CCDC126: variants seen among roughly 807,000 people sequenced by gnomAD.
The protein encoded by CCDC126 is coiled-coil domain-containing protein 126.
CCDC126 carries 5 observed loss-of-function variants against 11.7 expected under a neutral mutation model. The ratio of observed to expected loss-of-function variants is 0.43; its 90% CI spans 0.22 to 0.90. The LOEUF (loss-of-function observed/expected upper bound fraction) is 0.90, where lower values mean the gene tolerates loss of function less well. CCDC126 is among the 40% of genes least tolerant of loss of function. The pLI, the probability that CCDC126 is intolerant of heterozygous loss-of-function variation, is 0.27. For synonymous variants in CCDC126, 60 were observed against 61.9 expected, an observed-to-expected ratio of 0.97 and a Z score of 0.14; for missense variants, 150 against 163.1, an observed-to-expected ratio of 0.92 and a Z score of 0.44.
At chr7:23,620,545 G>A (rs1048267940) in intron 3 of CCDC126, among the ~76,000 whole-genome samples, 2 of 151,512 alleles carry the variant, frequency 1.3e-5, no homozygotes, top group African/African-American at 4.8e-5. Flanking sequence ...TCACTCTGAT[G>A]GTAGTTTCTT....
chr7:23,615,800 T>G (rs539614894), intron 3 of CCDC126, among the ~76,000 whole-genome samples: 105 of 152,356 alleles, frequency 6.9e-4, no homozygotes, highest in African/African-American at 2.4e-3. Flanking sequence ...GAATTAAGTC[T>G]GCTGTCTTAT....
intron 3 of CCDC126, among the ~76,000 whole-genome samples, chr7:23,621,056 A>G (rs1782885899): frequency 6.6e-6 from 1 of 152,220 alleles, no homozygotes; most frequent in Non-Finnish European, 1.5e-5. Flanking sequence ...TGACTTGGCA[A>G]TGCGGGCTCT....
chr7:23,597,811 C>G (rs1275367980), intron 1 of CCDC126, 156 bp from the exon 2 acceptor site: 2 of 152,216 alleles, frequency 1.3e-5, no homozygotes, highest in Non-Finnish European at 2.9e-5. Context: ...GGCCGCGTCT[C>G]TGCCCCTCCG....
intron 3 of CCDC126, among the ~76,000 whole-genome samples, chr7:23,617,917 G>C (rs1584202107): frequency 6.6e-6 from 1 of 152,210 alleles, no homozygotes; most frequent in African/African-American, 2.4e-5. Flanking sequence ...AAAATCCATG[G>C]ATTTTGGTAT....
chr7:23,636,276 C>G (rs1372064455), intron 3 of CCDC126, among the ~76,000 whole-genome samples: 1 of 152,152 alleles, frequency 6.6e-6, no homozygotes, highest in East Asian at 1.9e-4. Context: ...CTCTGCCCAG[C>G]CGCCACCCCG....
chr7:23,636,542 G>C (rs1584217585), intron 3 of CCDC126, among the ~76,000 whole-genome samples: 5 of 130,784 alleles, frequency 3.8e-5, no homozygotes, highest in East Asian at 2.3e-4. Context: ...GAGCGCCTCT[G>C]CTGGGCCGCA....
chr7:23,619,497 A>G (rs1782853373), intron 3 of CCDC126: 32 of 368,768 alleles, frequency 8.7e-5, no homozygotes, highest in South Asian at 6.5e-4. Flanking sequence ...CTTCCTGCCT[A>G]TTTTTCCAAT....
At chr7:23,599,674 G>A (rs932613216) in intron 2 of CCDC126, among the ~76,000 whole-genome samples, 1 of 151,980 alleles carries the variant, frequency 6.6e-6, no homozygotes, top group African/African-American at 2.4e-5. Context: ...TGGTCAGGCT[G>A]GTCTTGAACT....
At chr7:23,619,535 A>C (rs767499477) in intron 3 of CCDC126, 1 of 309,010 alleles carries the variant, frequency 3.2e-6, no homozygotes, top group Non-Finnish European at 6.5e-6. Flanking sequence ...CCACCTTACT[A>C]CATCCTTGTT....
At chr7:23,624,954 C>T (rs1025935172) in intron 3 of CCDC126, among the ~76,000 whole-genome samples, 3 of 152,076 alleles carry the variant, frequency 2.0e-5, no homozygotes, top group Admixed American at 1.3e-4. Flanking sequence ...GTGATCCCCC[C>T]ACCTTAGCCA....
chr7:23,599,850 T>A (rs968473550), intron 2 of CCDC126, among the ~76,000 whole-genome samples: 2 of 152,194 alleles, frequency 1.3e-5, no homozygotes, highest in Non-Finnish European at 2.9e-5. Context: ...AGTGGTGCGA[T>A]CTCTGCACAC....
chr7:23,612,199 G>A (rs1329530571), intron 3 of CCDC126, among the ~76,000 whole-genome samples: 1 of 150,482 alleles, frequency 6.6e-6, no homozygotes, highest in African/African-American at 2.4e-5. Flanking sequence ...GCTCACATCT[G>A]TAATCTTAGT....
At position 23,625,712 on chromosome 7, in the gene CCDC126, A is replaced by G. The variant is rs376479026; in HGVS notation, c.238+14159A>G. 1.4e-4 allele frequency among the ~76,000 whole-genome samples: 19 copies of G among 139,372 alleles called. No individual in the cohort carries two copies. In the South Asian group the frequency reaches 1.5e-3, roughly 11 times the overall value. The allele number at this position is 139,372 out of a possible 152,430, so 91.4% of individuals were successfully genotyped here. ...GCTCTGTTGCCCAGGCTGGAGTGCA[A>G]TGGCGCTCTCTCAGCTCACTGCAAG... is the stretch of plus-strand genomic sequence containing the variant. On this transcript the variant is annotated intron_variant, in intron 3 of 3. Coordinates refer to ENST00000307471, the MANE Select transcript of CCDC126 (RefSeq NM_138771.4).
intron 3 of CCDC126, among the ~76,000 whole-genome samples, chr7:23,627,054 A>G (rs1186673136): frequency 1.3e-5 from 2 of 152,226 alleles, no homozygotes; most frequent in African/African-American, 2.4e-5. Flanking sequence ...CTCCAGCTTC[A>G]CACTGACTGC....
At chr7:23,619,420 T>C in intron 3 of CCDC126, 1 of 421,356 alleles carries the variant, frequency 2.4e-6, no homozygotes, top group Non-Finnish European at 4.6e-6. Context: ...AAAGGATAGA[T>C]TAAAACCTAC....
chr7:23,628,151 G>A (rs1455961824), intron 3 of CCDC126, among the ~76,000 whole-genome samples: 2 of 152,146 alleles, frequency 1.3e-5, no homozygotes, highest in African/African-American at 4.8e-5. Flanking sequence ...TTCTCACACC[G>A]GGGACTTCTA....
chr7:23,607,032 G>A (rs902864393), intron 2 of CCDC126, among the ~76,000 whole-genome samples: 1 of 152,150 alleles, frequency 6.6e-6, no homozygotes, highest in Admixed American at 6.5e-5. Context: ...CCGGAAGGCC[G>A]AGGCTGCAGT....
intron 2 of CCDC126, among the ~76,000 whole-genome samples, chr7:23,608,570 G>A (rs2128015212): frequency 6.6e-6 from 1 of 152,220 alleles, no homozygotes; most frequent in African/African-American, 2.4e-5. Flanking sequence ...TGTGGCCCAG[G>A]GAAGCCAAGA....
At chr7:23,607,422 T>C (rs1186058784) in intron 2 of CCDC126, among the ~76,000 whole-genome samples, 1 of 152,174 alleles carries the variant, frequency 6.6e-6, no homozygotes, top group Non-Finnish European at 1.5e-5. Flanking sequence ...AGTTCTTCTG[T>C]TATTTGCAGC....
Sources: allele counts gnomAD v4.1 joint callset (sites outside exome capture counted in the v4.1 genomes callset), GRCh38; gene constraint gnomAD v4.1.1; transcripts MANE v1.5; gene names NCBI Gene and HGNC (gene_info 2026-07-23, HGNC 2026-07-21).